ACTR3C: variants seen among roughly 807,000 people sequenced by gnomAD.
ACTR3C encodes the protein actin related protein 3C, also known as actin-related protein 3C.
ACTR3C carries 18 observed loss-of-function variants against 26.3 expected under a neutral mutation model. The observed-to-expected ratio is 0.68, with a 90% CI of 0.47 to 1.01. The LOEUF (loss-of-function observed/expected upper bound fraction) is 1.01. Among genes scored for constraint, ACTR3C ranks in the 50% least tolerant of loss-of-function variants. ACTR3C has a pLI of 0.00. For missense variants in ACTR3C, 184 were observed against 250.7 expected, an observed-to-expected ratio of 0.73 and a Z score of 1.80; for synonymous variants, 55 against 94.5, an observed-to-expected ratio of 0.58 and a Z score of 2.42.
the ACTR3C span, among the ~76,000 whole-genome samples, chr7:150,105,051 G>C: frequency 5.3e-5 from 8 of 150,808 alleles, 1 homozygote; most frequent in Non-Finnish European, 1.2e-4. Context: ...GTAAATCTCT[G>C]TCACATTGCA....
the ACTR3C span, among the ~76,000 whole-genome samples, chr7:150,159,403 T>A: frequency 6.6e-6 from 1 of 152,222 alleles, no homozygotes; most frequent in African/African-American, 2.4e-5. Context: ...ACAGGATCGA[T>A]TCGTCGTGGA....
the ACTR3C span, among the ~76,000 whole-genome samples, chr7:150,013,815 G>A: frequency 2.0e-5 from 3 of 152,210 alleles, no homozygotes; most frequent in Non-Finnish European, 4.4e-5. Flanking sequence ...AGGGAAGAGG[G>A]CATGATGGAG....
chr7:150,222,063 A>ATT, the ACTR3C span, among the ~76,000 whole-genome samples: 1 of 149,736 alleles, frequency 6.7e-6, no homozygotes, highest in Non-Finnish European at 1.5e-5. Flanking sequence ...AGGGAGATTT[A>ATT]TTTTAGTTCT....
chr7:149,930,633 A>G, the ACTR3C span, among the ~76,000 whole-genome samples: 1 of 152,226 alleles, frequency 6.6e-6, no homozygotes, highest in Admixed American at 6.5e-5. Flanking sequence ...CAGCAGCCTG[A>G]GACCAAGATA....
At chr7:150,160,330 T>G in the ACTR3C span, among the ~76,000 whole-genome samples, 1 of 152,142 alleles carries the variant, frequency 6.6e-6, no homozygotes, top group Admixed American at 6.5e-5. Context: ...CAGATTTCCC[T>G]GGTAGTTTTT....
downstream of ACTR3C, chr7:150,243,787 T>C (rs2533411): frequency 6.7e-4 from 101 of 150,132 alleles, no homozygotes; most frequent in African/African-American, 2.5e-3. Context: ...ACATTCAGTA[T>C]AGATACAACC....
At chr7:150,321,147 T>C (rs1797468344) in intron 1 of ACTR3C, among the ~76,000 whole-genome samples, 1 of 152,176 alleles carries the variant, frequency 6.6e-6, no homozygotes, top group African/African-American at 2.4e-5. Flanking sequence ...AAAATCTCCC[T>C]AACCTTTATG....
At chr7:150,083,439 A>G in the ACTR3C span, among the ~76,000 whole-genome samples, 1 of 152,182 alleles carries the variant, frequency 6.6e-6, no homozygotes, top group East Asian at 2.0e-4. Context: ...TTGTGGGCAC[A>G]TGCTGTGGTC....
the ACTR3C span, among the ~76,000 whole-genome samples, chr7:150,167,723 A>G: frequency 6.6e-6 from 1 of 150,660 alleles, no homozygotes; most frequent in South Asian, 2.1e-4. Flanking sequence ...TGGTGTGTGC[A>G]TGGAGGCGGT....
chr7:150,260,121 G>A (rs980059058), intron 6 of ACTR3C, among the ~76,000 whole-genome samples: 2 of 152,140 alleles, frequency 1.3e-5, no homozygotes, highest in African/African-American at 4.8e-5. Context: ...AACTGTTTTT[G>A]TACTGCCCTC....
chr7:149,946,791 T>C, the ACTR3C span, among the ~76,000 whole-genome samples: 1 of 152,220 alleles, frequency 6.6e-6, no homozygotes, highest in Non-Finnish European at 1.5e-5. Context: ...GGTGACATCA[T>C]AATAAGGCAT....
At chr7:149,930,713 A>G in the ACTR3C span, among the ~76,000 whole-genome samples, 41 of 152,152 alleles carry the variant, frequency 2.7e-4, no homozygotes, top group African/African-American at 9.4e-4. Flanking sequence ...TTCATATTGT[A>G]GACAGTTGTG....
the ACTR3C span, among the ~76,000 whole-genome samples, chr7:150,107,568 G>T: frequency 6.6e-6 from 1 of 152,044 alleles, no homozygotes; most frequent in African/African-American, 2.4e-5. Context: ...TTATGTAGAA[G>T]ACTGCTGCCG....
At chr7:150,010,713 T>C in the ACTR3C span, among the ~76,000 whole-genome samples, 1 of 106,258 alleles carries the variant, frequency 9.4e-6, no homozygotes, top group Non-Finnish European at 2.1e-5. Context: ...AAAAAAAAAA[T>C]AAGCTCTGTG....
chr7:150,076,223 A>T, the ACTR3C span, among the ~76,000 whole-genome samples: 17 of 152,280 alleles, frequency 1.1e-4, no homozygotes, highest in African/African-American at 4.1e-4. Context: ...CAGGAAAAAA[A>T]AAAACTGATC....
At chr7:149,913,110 A>G in the ACTR3C span, among the ~76,000 whole-genome samples, 1 of 152,154 alleles carries the variant, frequency 6.6e-6, no homozygotes, top group Non-Finnish European at 1.5e-5. Context: ...TCTATTAAAT[A>G]TAACTCAGTA....
At chr7:150,029,426 A>AAAAAAAAAACAAAAAAC in the ACTR3C span, among the ~76,000 whole-genome samples, 1 of 129,600 alleles carries the variant, frequency 7.7e-6, no homozygotes, top group African/African-American at 3.0e-5. Flanking sequence ...AACAAACAAA[A>AAAAAAAAAACAAAAAAC]AAAAACCATG....
chr7:150,157,858 T>C, the ACTR3C span, among the ~76,000 whole-genome samples: 10 of 151,868 alleles, frequency 6.6e-5, no homozygotes, highest in Non-Finnish European at 1.3e-4. Context: ...CAGCGCTGGG[T>C]CATAGGGATG....
the ACTR3C span, among the ~76,000 whole-genome samples, chr7:149,926,234 T>G: frequency 6.6e-6 from 1 of 152,148 alleles, no homozygotes; most frequent in African/African-American, 2.4e-5. Context: ...AGGGGAAATA[T>G]ATTTGCAACG....
Sources: allele counts gnomAD v4.1 joint callset (sites outside exome capture counted in the v4.1 genomes callset), GRCh38; gene constraint gnomAD v4.1.1; transcripts MANE v1.5; gene names NCBI Gene and HGNC (gene_info 2026-07-23, HGNC 2026-07-21).